Variants in TAP2 observed in about 807,000 individuals in gnomAD.
The protein encoded by TAP2 is transporter 2, ATP binding cassette subfamily B member, also known as antigen peptide transporter 2.
In TAP2, 49 loss-of-function variants were observed where a neutral mutation model predicts 74.7. The observed-to-expected ratio is 0.66, with a 90% CI of 0.52 to 0.83. The LOEUF (loss-of-function observed/expected upper bound fraction) is 0.83. TAP2 is among the 40% of genes least tolerant of loss of function. TAP2 has a pLI of 0.00. For synonymous variants in TAP2, 306 were observed against 368.4 expected, an observed-to-expected ratio of 0.83 and a Z score of 1.94; for missense variants, 739 against 859.0, an observed-to-expected ratio of 0.86 and a Z score of 1.75.
At chr6:32,829,679 G>T in intron 10 of TAP2, 143 bp from the exon 11 acceptor site, 2 of 1,361,000 alleles carry the variant, frequency 1.5e-6, no homozygotes, top group Non-Finnish European at 2.1e-6. Context: ...TGGGAGGAGG[G>T]CCATGGGGTG....
downstream of TAP2, among the ~76,000 whole-genome samples, chr6:32,822,630 G>C (rs191226559): frequency 3.3e-4 from 48 of 146,410 alleles, no homozygotes; most frequent in Admixed American, 9.4e-4. Flanking sequence ...GCCTTGAACT[G>C]GGCCCAAGCG....
chr6:32,828,679 C>CAACCCACCA lies in TAP2; in HGVS notation c.*226_*227insTGGTGGGTT. 1.1e-6 allele frequency: 1 copy of CAACCCACCA among 948,138 alleles called. No individual in the cohort carries two copies. Among genetic ancestry groups the CAACCCACCA allele is most frequent in the Non-Finnish European group, 1.3e-6 (1 of 788,690 alleles). 58.7% of individuals were successfully genotyped at this position (948,138 alleles called of 1,614,324 possible). On this transcript the variant is annotated 3_prime_UTR_variant, in exon 12 of 12. Coordinates refer to ENST00000374897, the MANE Select transcript of TAP2 (RefSeq NM_001290043.2). ...TAAGTTTCCTGGACACAGACAGCCC[C>CAACCCACCA]CACCCCACCCCACCCCACCTCTCTA...
chr6:32,829,645 G>C (rs900842404), intron 10 of TAP2, 109 bp from the exon 11 acceptor site: 17 of 1,549,002 alleles, frequency 1.1e-5, no homozygotes, highest in Non-Finnish European at 1.5e-5. Context: ...GGAGGTGGGA[G>C]GGCCCAGTGC....
At position 32,830,495 on chromosome 6, in the gene TAP2, C is replaced by T. The variant is rs1768997142; in HGVS notation, c.1462-55G>A. The T allele has an allele frequency of 1.9e-6, 3 of 1,592,288 alleles. No homozygotes were observed. The African/African-American group carries it at 4.0e-5, about 21-fold the overall frequency. On this transcript the variant is annotated intron_variant, in intron 8 of 11. Transcript: ENST00000374897. ...TGCCCCTTCTCCCTCAAAATCCCTC[C>T]ATTTCTCTTCTTAGCAGAGGCAAGA...
chr6:32,822,883 T>C (rs1554230065), downstream of TAP2, among the ~76,000 whole-genome samples: 1 of 151,764 alleles, frequency 6.6e-6, no homozygotes, highest in Non-Finnish European at 1.5e-5. Flanking sequence ...TATTTTTTTA[T>C]TGATAGTAAT....
In TAP2 at chr6:32,830,780, CA is replaced by C; in HGVS notation, c.1298del (p.Met433SerfsTer36). ...TCTCTGCAGCTCCCACGTTGCTGAGCATATCCCCATATATGTATACCAGGGT... is the reference window on the plus strand; with the variant it reads ...TCTCTGCAGCTCCCACGTTGCTGAGCTATCCCCATATATGTATACCAGGGT... ...VQTLVYIYGD[M>X]LSNVGAAEKV... On this transcript the variant is annotated frameshift_variant, in exon 8 of 12. Coordinates refer to ENST00000374897, the MANE Select transcript of TAP2 (RefSeq NM_001290043.2). LOFTEE classifies it high-confidence loss of function. 6.2e-7 allele frequency: 1 copy of C among 1,612,156 alleles called. No individual in the cohort carries two copies. Among genetic ancestry groups the C allele is most frequent in the Non-Finnish European group, 8.5e-7 (1 of 1,179,640 alleles).
downstream of TAP2, among the ~76,000 whole-genome samples, chr6:32,824,522 G>A (rs1768511712): frequency 6.6e-6 from 1 of 152,072 alleles, no homozygotes; most frequent in African/African-American, 2.4e-5. Flanking sequence ...ATTTATACTT[G>A]TGATCACTGT....
In TAP2 at chr6:32,829,921, A is replaced by T; in HGVS notation, c.1795+9T>A. On this transcript the variant is annotated intron_variant, in intron 10 of 11. Transcript: ENST00000374897. Reference sequence around the variant, plus strand: ...CTGAAGGAGCAAGCTTACAATTTGTAGAAGATACCTGTGTATATTCCATGC... The same window carrying T: ...CTGAAGGAGCAAGCTTACAATTTGTTGAAGATACCTGTGTATATTCCATGC... 1 of 1,613,058 alleles carries T rather than the reference A, an allele frequency of 6.2e-7. No homozygotes were observed. Among genetic ancestry groups the T allele is most frequent in the South Asian group, 1.1e-5 (1 of 91,080 alleles).
Position 32,827,189 on chromosome 6 carries a change from A to T in TAP2, c.*1717T>A, listed in dbSNP as rs376044167. On this transcript the variant is annotated 3_prime_UTR_variant, in exon 12 of 12. Transcript: ENST00000374897. ...TGGAAACTACCTGCTGTTTCCAGGA[A>T]TATGAAGGTTTCTCTTTCCTAGAAT... 1.0e-5 allele frequency: 10 copies of T among 985,418 alleles called. No individual in the cohort carries two copies. In the East Asian group the frequency reaches 4.5e-4, roughly 45 times the overall value. The allele number at this position is 985,418 out of a possible 1,614,324, so 61.0% of individuals were successfully genotyped here. A position where few individuals can be genotyped will look rare whatever the true frequency, so the allele number is the denominator to read the frequency against.
In TAP2 at chr6:32,828,006, T is replaced by C. The variant is rs1768767353; in HGVS notation, c.*900A>G. On this transcript the variant is annotated 3_prime_UTR_variant, in exon 12 of 12. Coordinates refer to ENST00000374897, the MANE Select transcript of TAP2 (RefSeq NM_001290043.2). Reference sequence around the variant, plus strand: ...GAGCTTTTCTTGATGGGATTATGGATTAGGGTTTATGGACCCAAGATGCAA... The same window carrying C: ...GAGCTTTTCTTGATGGGATTATGGACTAGGGTTTATGGACCCAAGATGCAA... 1.0e-6 allele frequency: 1 copy of C among 984,984 alleles called. No individual in the cohort carries two copies. 61.0% of individuals were successfully genotyped at this position (984,984 alleles called of 1,614,324 possible).
chr6:32,830,599 T>A lies in TAP2; in HGVS notation c.1461+19A>T, dbSNP rs778510894. The A allele has an allele frequency of 8.1e-6, 13 of 1,612,930 alleles. No homozygotes were observed. Among genetic ancestry groups the A allele is most frequent in the Non-Finnish European group, 8.5e-7 (1 of 1,179,980 alleles). The stretch of plus-strand genomic sequence containing the variant: ...GCAGCAGAGAGCAAGGGTCCAGGTT[T>A]CCTCCCTCTTTCAGGCACCTTGAGC... On this transcript the variant is annotated intron_variant, in intron 8 of 11. Coordinates refer to ENST00000374897, the MANE Select transcript of TAP2 (RefSeq NM_001290043.2).
rs1421619062 is a variant in TAP2, at chr6:32,830,331, C to T, written c.1571G>A (p.Gly524Glu). ...ALLQNLYQPT[G>E]GQVLLDEKPI... Reference sequence around the variant, plus strand: ...CTTTTCATCCAGCAGCACCTGTCCCCCTGTGGGCTGGTACAGATTCTGCAG... The same window carrying T: ...CTTTTCATCCAGCAGCACCTGTCCCTCTGTGGGCTGGTACAGATTCTGCAG... Residue 524 changes from glycine (G) to glutamate (E), a missense_variant, in exon 9 of 12, where the codon GGG (glycine) becomes GAG (glutamate). By Grantham distance (98) the Gly-to-Glu change is moderately conservative. Transcript: ENST00000374897. The T allele has an allele frequency of 1.2e-6, 2 of 1,613,122 alleles. No individual in the cohort carries two copies. The highest frequency in any genetic ancestry group is 4.5e-5 in the East Asian group (2 of 44,890).
downstream of TAP2, chr6:32,822,032 C>A (rs1010487289): frequency 6.2e-6 from 3 of 480,828 alleles, no homozygotes; most frequent in Non-Finnish European, 1.1e-5. Flanking sequence ...AAAGCAAACT[C>A]ATGATCCCAC....
rs1186855010 is a variant in TAP2 at position 32,832,098 on chromosome 6, T to G, written c.1272+235A>C. ...GGGGGGAAGTGGCTGGGGATACAGA[T>G]CCAACAAGATTGGGCATGAGTTGAT... On this transcript the variant is annotated intron_variant, in intron 7 of 11. Coordinates refer to ENST00000374897, the MANE Select transcript of TAP2 (RefSeq NM_001290043.2). The surrounding 1 kb of genome is among the most constrained non-coding windows in gnomAD (Gnocchi z 5.9). Among the ~76,000 whole-genome samples, 1 of 152,206 alleles carries G rather than the reference T, an allele frequency of 6.6e-6. No homozygotes were observed. The highest frequency in any genetic ancestry group is 1.5e-5 in the Non-Finnish European group (1 of 68,028).
At position 32,830,780 on chromosome 6, in the gene TAP2, C is replaced by CATAT. The variant is rs1769027036; in HGVS notation, c.1295_1298dup (p.Met433IlefsTer51). ...TCTCTGCAGCTCCCACGTTGCTGAGCATATCCCCATATATGTATACCAGGG... is the reference window on the plus strand; with the variant it reads ...TCTCTGCAGCTCCCACGTTGCTGAGCATATATATCCCCATATATGTATACCAGGG... On this transcript the variant is annotated frameshift_variant, in exon 8 of 12. Transcript: ENST00000374897. LOFTEE classifies it high-confidence loss of function. 1 of 1,612,156 alleles carries CATAT rather than the reference C, an allele frequency of 6.2e-7. No homozygotes were observed. Among genetic ancestry groups the CATAT allele is most frequent in the Non-Finnish European group, 8.5e-7 (1 of 1,179,640 alleles).
rs4148872 is a variant in TAP2, at chr6:32,835,030, C to A, written c.945+124G>T. On this transcript the variant is annotated intron_variant, in intron 5 of 11. Transcript: ENST00000374897. This position sits in a 1 kb window ranked among gnomAD's most constrained non-coding sequence, Gnocchi z 4.0. Reference sequence around the variant, plus strand: ...AAAATGTAGTATATACTACAATATACCTTCTCCCCTAATGGCTGAGAAGAG... The same window carrying A: ...AAAATGTAGTATATACTACAATATAACTTCTCCCCTAATGGCTGAGAAGAG... The A allele has an allele frequency of 7.1e-6, 7 of 985,880 alleles. No individual in the cohort carries two copies. In the East Asian group the frequency reaches 1.8e-4, roughly 25 times the overall value. The allele number at this position is 985,880 out of a possible 1,614,324, so 61.1% of individuals were successfully genotyped here.
At position 32,830,850 on chromosome 6, in the gene TAP2, T is replaced by C. The variant is rs751100046; in HGVS notation, c.1273-44A>G. On this transcript the variant is annotated intron_variant, in intron 7 of 11. Transcript: ENST00000374897. ...AGAGCCGGCTAATTAAACACACTTC[T>C]ACCAGAAACCACCCTCCCAACTCCT... 5 of 1,547,108 alleles carry C rather than the reference T, an allele frequency of 3.2e-6. No individual in the cohort carries two copies. In the African/African-American group the frequency reaches 6.8e-5, roughly 21 times the overall value.
chr6:32,837,510 A>G, intron 3 of TAP2, 27 bp downstream of exon 3: 3 of 1,600,698 alleles, frequency 1.9e-6, no homozygotes, highest in East Asian at 2.2e-5. Context: ...TGGGGCTAGC[A>G]AATGGACCCA....
chr6:32,838,569 G>C (rs1019712168), intron 1 of TAP2, 84 bp downstream of exon 1: 1 of 308,912 alleles, frequency 3.2e-6, no homozygotes, highest in Non-Finnish European at 5.9e-6. Flanking sequence ...GGTGCAGAGG[G>C]ACTGGGAAGC....
Sources: gnomAD v4.1 joint callset for allele counts (sites outside exome capture counted in the v4.1 genomes callset) on GRCh38, gnomAD v4.1.1 for gene constraint, Gnocchi (gnomAD v3.1) non-coding constraint, MANE v1.5 for transcripts, NCBI Gene and HGNC (gene_info 2026-07-23, HGNC 2026-07-21) for gene names.